The following CNTNAP4 variants were observed in gnomAD, a reference collection of about 807,000 sequenced individuals.
CNTNAP4 encodes the protein contactin associated protein family member 4.
CNTNAP4 carries 98 observed loss-of-function variants against 148.4 expected under a neutral mutation model. The observed-to-expected ratio is 0.66, with a 90% CI of 0.56 to 0.78. The LOEUF (loss-of-function observed/expected upper bound fraction) is 0.78, where lower values mean the gene tolerates loss of function less well. Among genes scored for constraint, CNTNAP4 ranks in the 30% least tolerant of loss-of-function variants. The probability of loss-of-function intolerance (pLI) is 0.00; values close to 1 mark genes in which losing one functional copy is unlikely to be tolerated. For synonymous variants in CNTNAP4, 730 were observed against 565.1 expected (o/e 1.29, Z -4.14); for missense variants, 1,935 against 1,565.6 (o/e 1.24, Z -3.98).
At chr16:76,533,889 A>G (rs1034084638) in intron 17 of CNTNAP4, among the ~76,000 whole-genome samples, 4 of 152,212 alleles carry the variant, frequency 2.6e-5, no homozygotes, top group Non-Finnish European at 4.4e-5. Context: ...CTGAGGAGAA[A>G]CCAAGTATGT....
intron 8 of CNTNAP4, among the ~76,000 whole-genome samples, chr16:76,460,773 A>AAAAAAAAAAATATATATATATATAT: frequency 8.7e-5 from 5 of 57,322 alleles, no homozygotes; most frequent in African/African-American, 2.6e-4. Flanking sequence ...AAAAAAAAAA[A>AAAAAAAAAAATATATATATATATAT]ATATATATAT....
intron 17 of CNTNAP4, among the ~76,000 whole-genome samples, chr16:76,532,808 C>T (rs531888641): frequency 6.6e-6 from 1 of 152,132 alleles, no homozygotes; most frequent in East Asian, 1.9e-4. Flanking sequence ...TGGGAGCTCA[C>T]TGAGTTGAGT....
chr16:76,370,960 G>A (rs1271110186), intron 3 of CNTNAP4, among the ~76,000 whole-genome samples: 1 of 109,362 alleles, frequency 9.1e-6, no homozygotes, highest in Non-Finnish European at 1.9e-5. Flanking sequence ...TTATGAGTAG[G>A]CAAAGCTAGC....
intron 21 of CNTNAP4, among the ~76,000 whole-genome samples, chr16:76,545,123 G>C (rs1007015343): frequency 1.1e-4 from 16 of 152,176 alleles, no homozygotes; most frequent in Admixed American, 2.6e-4. Flanking sequence ...GCAAGTTAGA[G>C]CAAGAAAAGT....
intron 2 of CNTNAP4, among the ~76,000 whole-genome samples, chr16:76,323,102 C>T (rs1962601497): frequency 6.6e-6 from 1 of 152,102 alleles, no homozygotes; most frequent in South Asian, 2.1e-4. Flanking sequence ...CTGCCTCGGC[C>T]TCCCTAAGTG....
intron 10 of CNTNAP4, 60 bp downstream of exon 10, chr16:76,467,583 T>C (rs951095801): frequency 4.3e-5 from 58 of 1,347,384 alleles, no homozygotes; most frequent in Non-Finnish European, 5.6e-5. Flanking sequence ...GATTAAAATT[T>C]ATGTATAAGA....
intron 4 of CNTNAP4, chr16:76,432,641 G>T (rs937061914): frequency 6.6e-6 from 1 of 152,130 alleles, no homozygotes; most frequent in East Asian, 1.9e-4. Flanking sequence ...AAAATAAATG[G>T]GTGAAAGTGA....
At chr16:76,388,833 C>G (rs1472175721) in intron 3 of CNTNAP4, among the ~76,000 whole-genome samples, 1 of 152,114 alleles carries the variant, frequency 6.6e-6, no homozygotes, top group African/African-American at 2.4e-5. Context: ...TAAGGCAGTA[C>G]CTGACTCCAA....
At chr16:76,359,425 T>G (rs1388975753) in intron 3 of CNTNAP4, among the ~76,000 whole-genome samples, 2 of 151,300 alleles carry the variant, frequency 1.3e-5, no homozygotes, top group African/African-American at 4.9e-5. Flanking sequence ...GCAGGGAAAA[T>G]TCTTCATTCT....
intron 3 of CNTNAP4, among the ~76,000 whole-genome samples, chr16:76,392,630 G>A (rs1380927538): frequency 2.0e-5 from 3 of 152,108 alleles, no homozygotes; most frequent in African/African-American, 7.2e-5. Context: ...AACACTAGCA[G>A]GTCTGCTCAA....
chr16:76,364,721 T>TAA (rs2013892879), intron 3 of CNTNAP4, among the ~76,000 whole-genome samples: 1 of 152,190 alleles, frequency 6.6e-6, no homozygotes, highest in Non-Finnish European at 1.5e-5. Flanking sequence ...AAACTAATAC[T>TAA]TCCCATTCAC....
At chr16:76,447,165 C>G (rs530076371) in intron 4 of CNTNAP4, among the ~76,000 whole-genome samples, 55 of 151,854 alleles carry the variant, frequency 3.6e-4, no homozygotes, top group South Asian at 2.3e-3. Context: ...ACAAAATTAG[C>G]TGAGCATGGT....
At chr16:76,332,359 C>G (rs1963606079) in intron 2 of CNTNAP4, among the ~76,000 whole-genome samples, 1 of 152,064 alleles carries the variant, frequency 6.6e-6, no homozygotes, top group African/African-American at 2.4e-5. Context: ...CTCTTAGGCT[C>G]AAGTGATCCT....
intron 2 of CNTNAP4, among the ~76,000 whole-genome samples, chr16:76,348,657 T>G (rs1361741203): frequency 6.6e-6 from 1 of 152,152 alleles, no homozygotes; most frequent in Non-Finnish European, 1.5e-5. Flanking sequence ...CGCCACAGAT[T>G]GTCCATGTGA....
intron 23 of CNTNAP4, among the ~76,000 whole-genome samples, chr16:76,556,502 T>C (rs938258721): frequency 2.0e-5 from 3 of 152,190 alleles, no homozygotes; most frequent in African/African-American, 7.2e-5. Context: ...TGATTTTGAC[T>C]GTCTGGATAT....
In CNTNAP4 at chr16:76,495,173, T is replaced by A. The variant is rs561232324; in HGVS notation, c.2237+107T>A. On this transcript the variant is annotated intron_variant, in intron 14 of 23. Transcript: ENST00000611870. ...TACTGAACAAGTTAGTGCAATGAAG[T>A]AATTAAATAAAGGTTTGTTTTAATG... 5.1e-6 allele frequency: 6 copies of A among 1,174,376 alleles called. No individual in the cohort carries two copies. In the African/African-American group the frequency reaches 9.1e-5, roughly 18 times the overall value. The allele number at this position is 1,174,376 out of a possible 1,614,324, so 72.7% of individuals were successfully genotyped here. A position where few individuals can be genotyped will look rare whatever the true frequency, so the allele number is the denominator to read the frequency against.
chr16:76,362,861 G>A (rs1346475115), intron 3 of CNTNAP4, among the ~76,000 whole-genome samples: 1 of 152,106 alleles, frequency 6.6e-6, no homozygotes, highest in South Asian at 2.1e-4. Flanking sequence ...CATACAATTT[G>A]CCTATATAAC....
intron 4 of CNTNAP4, among the ~76,000 whole-genome samples, chr16:76,434,215 TTAAG>T (rs1308375100): frequency 6.6e-6 from 1 of 151,568 alleles, no homozygotes; most frequent in African/African-American, 2.4e-5. Flanking sequence ...TTACTGAGTA[TTAAG>T]TATTATCGTT....
At chr16:76,283,068 T>G (rs1289521995) in intron 1 of CNTNAP4, among the ~76,000 whole-genome samples, 1 of 151,896 alleles carries the variant, frequency 6.6e-6, no homozygotes, top group Non-Finnish European at 1.5e-5. Context: ...TCTCTGAGTG[T>G]CAAAGGAATT....
Sources: allele counts gnomAD v4.1 joint callset (sites outside exome capture counted in the v4.1 genomes callset), GRCh38; gene constraint gnomAD v4.1.1; transcripts MANE v1.5; gene names NCBI Gene and HGNC (gene_info 2026-07-23, HGNC 2026-07-21).